DYSF: variants seen among roughly 807,000 people sequenced by gnomAD.
The protein encoded by DYSF is dysferlin.
A neutral mutation model predicts 274.9 loss-of-function variants in DYSF; 212 were observed. That is an observed-to-expected ratio of 0.77 (90% CI 0.69 to 0.86). The LOEUF (loss-of-function observed/expected upper bound fraction) is 0.86. Among genes scored for constraint, DYSF ranks in the 40% least tolerant of loss-of-function variants. DYSF has a pLI of 0.00. For missense variants in DYSF, 2,666 were observed against 2,783.2 expected, an observed-to-expected ratio of 0.96 and a Z score of 0.95; for synonymous variants, 1,091 against 1,078.7, an observed-to-expected ratio of 1.01 and a Z score of -0.22.
chr2:71,483,704 G>A (rs1387640391), intron 3 of DYSF, among the ~76,000 whole-genome samples: 3 of 152,184 alleles, frequency 2.0e-5, no homozygotes, highest in South Asian at 2.1e-4. Flanking sequence ...AGTTAGGCAC[G>A]ACTATTGTAA....
chr2:71,620,487 C>G (rs2094069084), intron 40 of DYSF, 60 bp from the exon 41 acceptor site: 11 of 1,532,698 alleles, frequency 7.2e-6, no homozygotes, highest in Non-Finnish European at 8.9e-6. Context: ...TGGAGACTGT[C>G]CAGCCTTCCC....
chr2:71,611,775 A>C, intron 38 of DYSF, 149 bp downstream of exon 38: 4 of 1,104,738 alleles, frequency 3.6e-6, no homozygotes, highest in Non-Finnish European at 5.2e-6. Context: ...AGAAATGCTC[A>C]TACCCTCCTC....
intron 32 of DYSF, among the ~76,000 whole-genome samples, chr2:71,591,657 A>G (rs1265976907): frequency 6.6e-6 from 1 of 152,264 alleles, no homozygotes; most frequent in East Asian, 1.9e-4. Flanking sequence ...CAAGGCTATC[A>G]CTGTCTGAGT....
chr2:71,603,418 C>A (rs1272424822), intron 36 of DYSF, among the ~76,000 whole-genome samples: 1 of 152,218 alleles, frequency 6.6e-6, no homozygotes, highest in African/African-American at 2.4e-5. Flanking sequence ...GTGAGCCAGG[C>A]CAGAGGGTGG....
At chr2:71,632,196 A>G (rs1209999042) in intron 41 of DYSF, among the ~76,000 whole-genome samples, 1 of 152,158 alleles carries the variant, frequency 6.6e-6, no homozygotes, top group Non-Finnish European at 1.5e-5. Flanking sequence ...TAGTGCTTGG[A>G]AGTTGGTACA....
Position 71,601,950 on chromosome 2 carries a change from G to C in DYSF, c.3927+422G>C, listed in dbSNP as rs57792662. On this transcript the variant is annotated intron_variant, in intron 35 of 55. Transcript: ENST00000410020. ...GCCCACTGAAGCAATTCTGAGGGCA[G>C]CCCAGCAACCTCTGTATCAACTTGC... Among the ~76,000 whole-genome samples the C allele has an allele frequency of 2.6e-3, 394 of 152,358 alleles. 4 individuals carry two copies. Among genetic ancestry groups the C allele is most frequent in the African/African-American group, 8.8e-3 (368 of 41,588 alleles).
intron 31 of DYSF, 67 bp from the exon 32 acceptor site, chr2:71,590,144 C>T (rs912217904): frequency 6.5e-7 from 1 of 1,539,488 alleles, no homozygotes; most frequent in Non-Finnish European, 9.0e-7. Context: ...TCCACCTCCC[C>T]CCGAGCCCCA....
chr2:71,685,573 G>T (rs942921305), intron 55 of DYSF, among the ~76,000 whole-genome samples: 12 of 152,242 alleles, frequency 7.9e-5, no homozygotes, highest in African/African-American at 1.9e-4. Context: ...GTGGAGAGGG[G>T]CCCAAGGACA....
intron 41 of DYSF, among the ~76,000 whole-genome samples, chr2:71,630,362 G>A (rs2094293148): frequency 6.6e-6 from 1 of 152,234 alleles, no homozygotes; most frequent in South Asian, 2.1e-4. Context: ...AGCTAGGGTA[G>A]GCCAGAGGGC....
exon 1 of DYSF, chr2:71,453,645 C>CA (rs1024036347): frequency 1.4e-5 from 5 of 356,806 alleles, no homozygotes; most frequent in African/African-American, 1.1e-4. Flanking sequence ...CAGCCAGGTG[C>CA]AAAATGCCGT....
At chr2:71,592,924 A>T (rs1343358675) in intron 32 of DYSF, among the ~76,000 whole-genome samples, 1 of 152,054 alleles carries the variant, frequency 6.6e-6, no homozygotes, top group Admixed American at 6.5e-5. Context: ...AACTTGGGAG[A>T]GGGAGGCTGT....
At chr2:71,543,045 G>C (rs2090081231) in intron 17 of DYSF, among the ~76,000 whole-genome samples, 1 of 151,162 alleles carries the variant, frequency 6.6e-6, no homozygotes, top group East Asian at 2.0e-4. Context: ...CCGGGCGGGG[G>C]CTGCCCCCCA....
At chr2:71,545,134 C>A (rs1010379297) in intron 17 of DYSF, among the ~76,000 whole-genome samples, 1 of 152,094 alleles carries the variant, frequency 6.6e-6, no homozygotes, top group African/African-American at 2.4e-5. Context: ...GGGAAGCCAC[C>A]GGCACGTGAG....
chr2:71,682,012 A>C (rs2152971137), intron 54 of DYSF, among the ~76,000 whole-genome samples: 1 of 152,254 alleles, frequency 6.6e-6, no homozygotes, highest in Middle Eastern at 3.4e-3. Flanking sequence ...ACGTATTTTG[A>C]GATGTGGAGC....
chr2:71,587,650 T>A (rs2093116453), intron 30 of DYSF, among the ~76,000 whole-genome samples: 2 of 152,232 alleles, frequency 1.3e-5, no homozygotes, highest in African/African-American at 4.8e-5. Context: ...TACTGTATAA[T>A]TATCCCAAAT....
chr2:71,599,154 C>CCA (rs1479687941), intron 33 of DYSF, among the ~76,000 whole-genome samples: 1 of 152,176 alleles, frequency 6.6e-6, no homozygotes, highest in Non-Finnish European at 1.5e-5. Flanking sequence ...GCCCAGACAC[C>CCA]CACACAGTGG....
chr2:71,639,123 T>A (rs2094450685), intron 41 of DYSF, among the ~76,000 whole-genome samples: 2 of 152,238 alleles, frequency 1.3e-5, no homozygotes, highest in South Asian at 4.1e-4. Context: ...CATTTGTATA[T>A]CTTCTCTGGG....
At chr2:71,525,671 G>C (rs999525805) in intron 12 of DYSF, among the ~76,000 whole-genome samples, 12 of 151,742 alleles carry the variant, frequency 7.9e-5, no homozygotes, top group Admixed American at 7.9e-4. Context: ...CACAGTACAT[G>C]TTATTGGATT....
At chr2:71,551,789 C>A in intron 19 of DYSF, 69 bp downstream of exon 19, 1 of 1,316,870 alleles carries the variant, frequency 7.6e-7, no homozygotes, top group Non-Finnish European at 1.1e-6. Flanking sequence ...CTGGGACTGG[C>A]CTTGAGGTGT....
Sources: gnomAD v4.1 joint callset for allele counts (sites outside exome capture counted in the v4.1 genomes callset) on GRCh38, gnomAD v4.1.1 for gene constraint, MANE v1.5 for transcripts, NCBI Gene and HGNC (gene_info 2026-07-23, HGNC 2026-07-21) for gene names.